ZSWIM6: variants seen among roughly 807,000 people sequenced by gnomAD.
The protein encoded by ZSWIM6 is zinc finger SWIM domain-containing protein 6.
Under a neutral mutation model 113.2 loss-of-function variants are expected in ZSWIM6, and 9 were observed. That is an observed-to-expected ratio of 0.08 (90% CI 0.05 to 0.14). ZSWIM6 has a LOEUF of 0.14. ZSWIM6 is among the 10% of genes least tolerant of loss of function. The pLI, the probability that ZSWIM6 is intolerant of heterozygous loss-of-function variation, is 1.00. For missense variants in ZSWIM6, 1,162 were observed against 1,552.2 expected, an observed-to-expected ratio of 0.75 and a Z score of 4.22; for synonymous variants, 611 against 606.5, an observed-to-expected ratio of 1.01 and a Z score of -0.11.
chr5:61,539,739 T>C lies in ZSWIM6; in HGVS notation c.2683T>C (p.Ser895Pro). 1 of 1,551,362 alleles carries C rather than the reference T, an allele frequency of 6.4e-7. No individual in the cohort carries two copies. The highest frequency in any genetic ancestry group is 8.7e-7 in the Non-Finnish European group (1 of 1,146,776). Residue 895 changes from serine to proline, a missense_variant, in exon 12 of 14, where the codon TCT becomes CCT. This residue lies in a region of ZSWIM6 where 620 missense variants were observed against 804.6 expected (regional missense o/e 0.77). Coordinates refer to ENST00000252744, the MANE Select transcript of ZSWIM6 (RefSeq NM_020928.2). ...GCCAGACATCACTCTTTTGAAAGTGTCTCTGGAGCTGGGCCTGCAGGTACA... is the reference window on the plus strand; with the variant it reads ...GCCAGACATCACTCTTTTGAAAGTGCCTCTGGAGCTGGGCCTGCAGGTACA... Reference protein sequence around the residue: ...SLPDITLLKVSLELGLQVMRM... With the variant: ...SLPDITLLKVPLELGLQVMRM...
intron 1 of ZSWIM6, among the ~76,000 whole-genome samples, chr5:61,339,428 T>C (rs1744485507): frequency 6.6e-6 from 1 of 152,178 alleles, no homozygotes; most frequent in Non-Finnish European, 1.5e-5. Context: ...AAAAATCACA[T>C]GACTGGATCT....
chr5:61,544,357 G>T lies in ZSWIM6; in HGVS notation c.*40G>T, dbSNP rs1749828898. The T allele has an allele frequency of 3.1e-5, 17 of 546,766 alleles. No homozygotes were observed. The highest frequency in any genetic ancestry group is 8.0e-5 in the Admixed American group (3 of 37,298). The allele number at this position is 546,766 out of a possible 1,614,324, so 33.9% of individuals were successfully genotyped here. On this transcript the variant is annotated 3_prime_UTR_variant, in exon 14 of 14. Coordinates refer to ENST00000252744, the MANE Select transcript of ZSWIM6 (RefSeq NM_020928.2). Reference sequence around the variant, plus strand: ...ATGGGGTGGGGGGTGGGGATGGGAGGGATGGTTTGTTTTTACTTGAGCCTG... The same window carrying T: ...ATGGGGTGGGGGGTGGGGATGGGAGTGATGGTTTGTTTTTACTTGAGCCTG...
At chr5:61,505,702 T>TCCTC (rs1289544773) in intron 4 of ZSWIM6, among the ~76,000 whole-genome samples, 3 of 73,866 alleles carry the variant, frequency 4.1e-5, no homozygotes, top group Non-Finnish European at 8.7e-5. Context: ...CTCCCTTCCT[T>TCCTC]CCTCCCTTCC....
chr5:61,450,119 A>G (rs1199617307), intron 1 of ZSWIM6, among the ~76,000 whole-genome samples: 1 of 152,154 alleles, frequency 6.6e-6, no homozygotes, highest in African/African-American at 2.4e-5. Flanking sequence ...CAATATAATA[A>G]CAGTCCAGGA....
chr5:61,404,303 A>G (rs376322036), intron 1 of ZSWIM6, among the ~76,000 whole-genome samples: 22 of 152,152 alleles, frequency 1.4e-4, no homozygotes, highest in South Asian at 2.1e-4. Flanking sequence ...AAATGATTGC[A>G]TTTTTTCCCC....
At chr5:61,494,191 G>A in intron 3 of ZSWIM6, 69 bp from the exon 4 acceptor site, 1 of 1,486,788 alleles carries the variant, frequency 6.7e-7, no homozygotes, top group Non-Finnish European at 9.1e-7. Context: ...TTTGTCTCTT[G>A]TGTTGCTGTG....
chr5:61,404,244 C>T (rs767709071), intron 1 of ZSWIM6, among the ~76,000 whole-genome samples: 3 of 152,112 alleles, frequency 2.0e-5, no homozygotes, highest in Non-Finnish European at 2.9e-5. Context: ...TTTTTTGTAC[C>T]ACCGGAAAAC....
chr5:61,414,280 G>A (rs573777399), intron 1 of ZSWIM6, among the ~76,000 whole-genome samples: 1 of 152,252 alleles, frequency 6.6e-6, no homozygotes, highest in East Asian at 1.9e-4. Flanking sequence ...TTTAGTGATG[G>A]CATTGGATGG....
At chr5:61,380,869 G>A (rs1259702887) in intron 1 of ZSWIM6, among the ~76,000 whole-genome samples, 3 of 151,710 alleles carry the variant, frequency 2.0e-5, no homozygotes, top group Non-Finnish European at 4.4e-5. Flanking sequence ...GGGAGGCAGA[G>A]GCAAGTGGAT....
chr5:61,347,960 G>A (rs959482459), intron 1 of ZSWIM6, among the ~76,000 whole-genome samples: 3 of 152,290 alleles, frequency 2.0e-5, no homozygotes, highest in Middle Eastern at 6.8e-3. Flanking sequence ...GGTGGCTCAC[G>A]CCTGTAATCC....
chr5:61,464,158 A>ATTTTTTTTTTTTTTTTTTT (rs869288331), intron 1 of ZSWIM6, among the ~76,000 whole-genome samples: 10 of 43,522 alleles, frequency 2.3e-4, no homozygotes, highest in Non-Finnish European at 2.9e-4. Flanking sequence ...CACCCGGCTA[A>ATTTTTTTTTTTTTTTTTTT]TTTTTTTTTT....
At chr5:61,436,181 A>G (rs1315941531) in intron 1 of ZSWIM6, among the ~76,000 whole-genome samples, 6 of 151,868 alleles carry the variant, frequency 4.0e-5, no homozygotes, top group Non-Finnish European at 5.9e-5. Flanking sequence ...AGCTTGGGCA[A>G]TAAGAGCAAG....
At chr5:61,434,537 T>C (rs1389826308) in intron 1 of ZSWIM6, among the ~76,000 whole-genome samples, 2 of 151,968 alleles carry the variant, frequency 1.3e-5, no homozygotes, top group East Asian at 1.9e-4. Context: ...TGAGAACATA[T>C]GATATTTGGT....
chr5:61,516,087 AT>A (rs1748929851), intron 4 of ZSWIM6, among the ~76,000 whole-genome samples: 1 of 151,666 alleles, frequency 6.6e-6, no homozygotes. Flanking sequence ...TATAAGAAAG[AT>A]TTGGGTCTTG....
At chr5:61,391,492 T>G (rs1745713391) in intron 1 of ZSWIM6, 3 of 1,312,916 alleles carry the variant, frequency 2.3e-6, no homozygotes, top group Non-Finnish European at 3.3e-6. Context: ...AAAGGCCTTC[T>G]TCTTAGATTT....
Position 61,494,296 on chromosome 5 carries a change from G to T in ZSWIM6, c.1219G>T (p.Ala407Ser), listed in dbSNP as rs2112219717. The change falls in exon 4 of 14, where the codon GCC becomes TCC. Residue 407 changes from alanine (A) to serine (S), a missense_variant. Around this residue, in one of 4 missense-constraint regions of ZSWIM6, gnomAD observed 96 missense variants for 240.3 expected, o/e 0.40. Coordinates refer to ENST00000252744, the MANE Select transcript of ZSWIM6 (RefSeq NM_020928.2). ...GTTAAAGATGAGGGACTCCAATGGG[G>T]CCCGCATGTTGACCTTGATAACAGA... ...EMLKMRDSNG[A>S]RMLTLITEQF... 1 of 1,551,012 alleles carries T rather than the reference G, an allele frequency of 6.4e-7. No individual in the cohort carries two copies. The highest frequency in any genetic ancestry group is 1.2e-5 in the South Asian group (1 of 84,042).
chr5:61,505,622 CCTT>C (rs1748582745), intron 4 of ZSWIM6, among the ~76,000 whole-genome samples: 1 of 71,870 alleles, frequency 1.4e-5, no homozygotes, highest in African/African-American at 5.6e-5. Flanking sequence ...TTCCTTCCTT[CCTT>C]CCTTCCTTCC....
chr5:61,431,419 C>G (rs973501581), intron 1 of ZSWIM6, among the ~76,000 whole-genome samples: 1 of 139,818 alleles, frequency 7.2e-6, no homozygotes, highest in South Asian at 2.4e-4. Flanking sequence ...GTAAATAAAT[C>G]GTGATCTTTT....
intron 1 of ZSWIM6, among the ~76,000 whole-genome samples, chr5:61,454,864 G>A (rs577807672): frequency 5.3e-5 from 8 of 150,738 alleles, no homozygotes; most frequent in East Asian, 3.9e-4. Flanking sequence ...GATTACAGGC[G>A]TGAGCCACTG....
Sources: allele counts gnomAD v4.1 joint callset (sites outside exome capture counted in the v4.1 genomes callset), GRCh38; gene constraint gnomAD v4.1.1; regional missense constraint gnomAD v4.1.1; transcripts MANE v1.5; gene names NCBI Gene and HGNC (gene_info 2026-07-23, HGNC 2026-07-21).